Variants in MMP10 observed in about 807,000 individuals in gnomAD.
MMP10 encodes matrix metallopeptidase 10.
Under a neutral mutation model 49.1 loss-of-function variants are expected in MMP10, and 50 were observed. That is an observed-to-expected ratio of 1.02 (90% CI 0.81 to 1.29). The LOEUF is 1.29. Ranked by LOEUF, MMP10 falls within the 50% of genes most tolerant of loss-of-function variation. The pLI, the probability that MMP10 is intolerant of heterozygous loss-of-function variation, is 0.00. For missense variants in MMP10, 613 were observed against 563.8 expected, an observed-to-expected ratio of 1.09 and a Z score of -0.88; for synonymous variants, 229 against 201.6, an observed-to-expected ratio of 1.14 and a Z score of -1.15.
At chr11:102,771,569 C>G (rs972225701) in intron 9 of MMP10, among the ~76,000 whole-genome samples, 1 of 152,142 alleles carries the variant, frequency 6.6e-6, no homozygotes, top group Admixed American at 6.5e-5. Flanking sequence ...TTACAAATGA[C>G]TAATGCAGGC....
At chr11:102,777,127 G>A (rs535544408) in intron 4 of MMP10, among the ~76,000 whole-genome samples, 1 of 152,106 alleles carries the variant, frequency 6.6e-6, no homozygotes, top group Non-Finnish European at 1.5e-5. Flanking sequence ...ATAACTCTTC[G>A]TTGTCTAAAA....
intron 3 of MMP10, among the ~76,000 whole-genome samples, 188 bp downstream of exon 3, chr11:102,779,025 G>T (rs1002686394): frequency 4.6e-5 from 7 of 152,198 alleles, no homozygotes; most frequent in African/African-American, 9.7e-5. Flanking sequence ...GACACAGAAG[G>T]TACCATCTAT....
chr11:102,777,516 A>G (rs936378433), intron 4 of MMP10, among the ~76,000 whole-genome samples: 8 of 152,092 alleles, frequency 5.3e-5, no homozygotes, highest in African/African-American at 1.7e-4. Context: ...TGGCCTCCCA[A>G]AATGCTGGGA....
chr11:102,771,518 A>G (rs908320778), intron 9 of MMP10, among the ~76,000 whole-genome samples: 4 of 152,188 alleles, frequency 2.6e-5, no homozygotes, highest in Non-Finnish European at 4.4e-5. Flanking sequence ...CAGGAATCAC[A>G]TTTGACCTAT....
chr11:102,779,564 A>G lies in MMP10; in HGVS notation c.287T>C (p.Val96Ala), dbSNP rs369076335. 32 of 1,614,034 alleles carry G rather than the reference A, an allele frequency of 2.0e-5. No individual in the cohort carries two copies. The highest frequency in any genetic ancestry group is 3.3e-4 in the Middle Eastern group (2 of 6,062). Residue 96 changes from valine to alanine, a missense_variant, in exon 2 of 10, where the codon GTT becomes GCT. By Grantham distance (64) the Val-to-Ala change is moderately conservative. Coordinates refer to ENST00000279441, the MANE Select transcript of MMP10 (RefSeq NM_002425.3). The stretch of plus-strand genomic sequence containing the variant: ...GCCAGGAAAGGAGCTGAAGTGACCA[A>G]CGTCAGGAACTCCACACCTGGGCTT... ...MRKPRCGVPD[V>A]GHFSSFPGMP... is the part of the protein sequence containing the mutation.
At position 102,779,385 on chromosome 11, in the gene MMP10, A is replaced by T; in HGVS notation, c.348-24T>A. 5 of 1,612,244 alleles carry T rather than the reference A, an allele frequency of 3.1e-6. 1 individual carries two copies. The East Asian group carries it at 8.9e-5, about 29-fold the overall frequency. ...TCCTGGAGGAGAAAAATTGAAGAGG[A>T]TGTTATTTTCTCCTGCCTTTATGAA... On this transcript the variant is annotated intron_variant, in intron 2 of 9. Transcript: ENST00000279441.
chr11:102,773,093 G>C lies in MMP10; in HGVS notation c.1067-87C>G, dbSNP rs949959809. The C allele has an allele frequency of 1.3e-5, 17 of 1,334,482 alleles. No individual in the cohort carries two copies. The East Asian group carries it at 2.9e-4, about 23-fold the overall frequency. The allele number at this position is 1,334,482 out of a possible 1,614,324, so 82.7% of individuals were successfully genotyped here. ...GTGCATTGTTGTGGTAAAGAGGAAG[G>C]CTTGGTTTTAATTCCAACCTAATAA... On this transcript the variant is annotated intron_variant, in intron 7 of 9. Coordinates refer to ENST00000279441, the MANE Select transcript of MMP10 (RefSeq NM_002425.3).
rs376050277 is a variant in MMP10, at chr11:102,772,025, T to C, written c.1317A>G (p.Val439=). Residue 439 remains valine, a synonymous_variant, in exon 9 of 10, where the codon GTA becomes GTG. Coordinates refer to ENST00000279441, the MANE Select transcript of MMP10 (RefSeq NM_002425.3). This position sits in a 1 kb window ranked among gnomAD's most constrained non-coding sequence, Gnocchi z 4.4. ...GGGTCTTCTTACCAAATGCCTGTAA[T>C]ACAGCATCAACCTTAGGCTCAACTC... ...FPGVEPKVDA[V]LQAFGFFYFF... 30 of 1,609,048 alleles carry C rather than the reference T, an allele frequency of 1.9e-5. No individual in the cohort carries two copies. The highest frequency in any genetic ancestry group is 2.0e-5 in the Non-Finnish European group (24 of 1,175,700).
chr11:102,775,199 A>C lies in MMP10; in HGVS notation c.1055T>G (p.Phe352Cys). 1 of 1,592,430 alleles carries C rather than the reference A, an allele frequency of 6.3e-7. No individual in the cohort carries two copies. The highest frequency in any genetic ancestry group is 8.5e-7 in the Non-Finnish European group (1 of 1,170,400). ...TATATAGTACTCACCTTTAAAAATA[A>C]AAACGGTGTCCCTGCTGTTAACTTC... The part of the protein sequence containing the change: ...AYEVNSRDTV[F>C]IFKGNEFWAI... The change falls in exon 7 of 10, where the codon TTT becomes TGT. Residue 352 changes from phenylalanine to cysteine, a missense_variant. Phe to Cys is a radical substitution (Grantham distance 205, BLOSUM62 -2). Coordinates refer to ENST00000279441, the MANE Select transcript of MMP10 (RefSeq NM_002425.3).
intron 5 of MMP10, 80 bp downstream of exon 5, chr11:102,776,532 T>C: frequency 6.4e-7 from 1 of 1,570,744 alleles, no homozygotes; most frequent in Non-Finnish European, 8.7e-7. Context: ...AAATCAGAAA[T>C]ACTTTAGGTA....
intron 4 of MMP10, among the ~76,000 whole-genome samples, chr11:102,777,481 C>T (rs972664688): frequency 1.3e-5 from 2 of 152,100 alleles, no homozygotes; most frequent in Non-Finnish European, 1.5e-5. Flanking sequence ...TCTCAAACTC[C>T]TGGTCTCAAG....
Position 102,772,981 on chromosome 11 carries a change from T to G in MMP10, c.1092A>C (p.Gly364=). The stretch of plus-strand genomic sequence containing the variant: ...TTGGATAACCTGCTTGTACCTCATT[T>G]CCTCTGATGGCCCAGAACTCATTTC... The part of the protein sequence containing the change: ...FKGNEFWAIR[G]NEVQAGYPRG... The change falls in exon 8 of 10, where the codon GGA becomes GGC. Residue 364 remains glycine (G), a synonymous_variant. Transcript: ENST00000279441. This position sits in a 1 kb window ranked among gnomAD's most constrained non-coding sequence, Gnocchi z 4.4. The G allele has an allele frequency of 6.2e-7, 1 of 1,610,346 alleles. No homozygotes were observed.
In MMP10 at chr11:102,780,488, T is replaced by C. The variant is rs1236765041; in HGVS notation, c.104A>G (p.Gln35Arg). The C allele has an allele frequency of 6.2e-7, 1 of 1,613,786 alleles. No homozygotes were observed. The highest frequency in any genetic ancestry group is 1.3e-5 in the African/African-American group (1 of 75,060). ...KEEDSNKDLAQQYLEKYYNLE... is the reference protein window; with the variant it reads ...KEEDSNKDLARQYLEKYYNLE... Reference sequence around the variant, plus strand: ...GCAATAGATGCCACCGTTAATTACCTGGGCAAGATCCTTGTTGGAGTCCTC... The same window carrying C: ...GCAATAGATGCCACCGTTAATTACCCGGGCAAGATCCTTGTTGGAGTCCTC... The change falls in exon 1 of 10, where the codon CAG becomes CGG. Residue 35 changes from glutamine to arginine, a missense_variant and splice_region_variant. Gln to Arg is a conservative substitution (Grantham distance 43). Coordinates refer to ENST00000279441, the MANE Select transcript of MMP10 (RefSeq NM_002425.3).
chr11:102,779,715 T>C lies in MMP10; in HGVS notation c.136A>G (p.Lys46Glu), dbSNP rs756442264. The C allele has an allele frequency of 6.2e-7, 1 of 1,613,814 alleles. No homozygotes were observed. The highest frequency in any genetic ancestry group is 8.5e-7 in the Non-Finnish European group (1 of 1,179,914). ...QYLEKYYNLE[K>E]DVKQFRRKDS... ...TTTCTTCTAAACTGTTTCACATCCT[T>C]TTCGAGGTTGTAGTACTTTTCTAGG... The change falls in exon 2 of 10, where the codon AAG becomes GAG. Residue 46 changes from lysine to glutamate, a missense_variant. Lys to Glu is a moderately conservative substitution (Grantham distance 56, BLOSUM62 1). Coordinates refer to ENST00000279441, the MANE Select transcript of MMP10 (RefSeq NM_002425.3).
chr11:102,772,157 G>C lies in MMP10; in HGVS notation c.1227-42C>G. 1 of 1,216,158 alleles carries C rather than the reference G, an allele frequency of 8.2e-7. No homozygotes were observed. The highest frequency in any genetic ancestry group is 1.2e-6 in the Non-Finnish European group (1 of 822,442). The allele number at this position is 1,216,158 out of a possible 1,614,324, so 75.3% of individuals were successfully genotyped here. A position where few individuals can be genotyped will look rare whatever the true frequency, so the allele number is the denominator to read the frequency against. On this transcript the variant is annotated intron_variant, in intron 8 of 9. Coordinates refer to ENST00000279441, the MANE Select transcript of MMP10 (RefSeq NM_002425.3). This position sits in a 1 kb window ranked among gnomAD's most constrained non-coding sequence, Gnocchi z 4.4. ...AAATACAGTTCAATGATGTGCAGTA[G>C]TCCCATTACACACAATAGTATAATG...
In MMP10 at chr11:102,772,840, A is replaced by G. The variant is rs375698563; in HGVS notation, c.1226+7T>C. 17 of 1,604,618 alleles carry G rather than the reference A, an allele frequency of 1.1e-5. No homozygotes were observed. The highest frequency in any genetic ancestry group is 1.4e-5 in the Non-Finnish European group (16 of 1,176,764). ...CTTCATAGAAAGTCATTTCTCTTGCATCTCACCTCCAGTATTTGTCCGCTG... is the reference window on the plus strand; with the variant it reads ...CTTCATAGAAAGTCATTTCTCTTGCGTCTCACCTCCAGTATTTGTCCGCTG... On this transcript the variant is annotated splice_region_variant and intron_variant, in intron 8 of 9. Transcript: ENST00000279441. The surrounding 1 kb of genome is among the most constrained non-coding windows in gnomAD (Gnocchi z 4.4).
chr11:102,773,073 T>C lies in MMP10; in HGVS notation c.1067-67A>G, dbSNP rs1414637442. 1.4e-5 allele frequency: 20 copies of C among 1,459,624 alleles called. 1 individual carries two copies. Among genetic ancestry groups the C allele is most frequent in the African/African-American group, 8.5e-5 (6 of 70,198 alleles). 90.4% of individuals were successfully genotyped at this position (1,459,624 alleles called of 1,614,324 possible). On this transcript the variant is annotated intron_variant, in intron 7 of 9. Transcript: ENST00000279441. ...TGATTTTAAAAATAATTATAGTGCATTGTTGTGGTAAAGAGGAAGGCTTGG... is the reference window on the plus strand; with the variant it reads ...TGATTTTAAAAATAATTATAGTGCACTGTTGTGGTAAAGAGGAAGGCTTGG...
rs963579226 is a variant in MMP10 at position 102,775,330 on chromosome 11, C to T, written c.933-9G>A. 3.8e-6 allele frequency: 6 copies of T among 1,574,872 alleles called. No homozygotes were observed. The Admixed American group carries it at 5.6e-5, about 15-fold the overall frequency. ...ATCTTCGCCAAAAATATCTGTAATA[C>T]ATAAAATTACTTGCAATTGTCTTTC... On this transcript the variant is annotated splice_polypyrimidine_tract_variant and intron_variant, in intron 6 of 9. Transcript: ENST00000279441.
In MMP10 at chr11:102,780,492, CA is replaced by C. The variant is rs1857814192; in HGVS notation, c.99del (p.Ala34ProfsTer5). On this transcript the variant is annotated frameshift_variant, in exon 1 of 10. Coordinates refer to ENST00000279441, the MANE Select transcript of MMP10 (RefSeq NM_002425.3). LOFTEE classifies it high-confidence loss of function. Reference protein sequence around the residue: ...AAKEEDSNKDLAQQYLEKYYN... With the variant: ...AAKEEDSNKDXAQQYLEKYYN... ...TAGATGCCACCGTTAATTACCTGGGCAAGATCCTTGTTGGAGTCCTCCTCTT... is the reference window on the plus strand; with the variant it reads ...TAGATGCCACCGTTAATTACCTGGGCAGATCCTTGTTGGAGTCCTCCTCTT... 6.2e-7 allele frequency: 1 copy of C among 1,613,694 alleles called. No homozygotes were observed. Among genetic ancestry groups the C allele is most frequent in the Non-Finnish European group, 8.5e-7 (1 of 1,179,904 alleles).
Sources: allele counts gnomAD v4.1 joint callset (sites outside exome capture counted in the v4.1 genomes callset), GRCh38; gene constraint gnomAD v4.1.1; non-coding constraint Gnocchi (gnomAD v3.1); transcripts MANE v1.5; gene names NCBI Gene and HGNC (gene_info 2026-07-23, HGNC 2026-07-21).